CDH13: variants seen among roughly 807,000 people sequenced by gnomAD.
CDH13 encodes cadherin-13.
Under a neutral mutation model 63.8 loss-of-function variants are expected in CDH13, and 24 were observed. The observed-to-expected ratio is 0.38, with a 90% CI of 0.27 to 0.53. The LOEUF (loss-of-function observed/expected upper bound fraction) is 0.53, where lower values mean the gene tolerates loss of function less well. CDH13 is among the 20% of genes least tolerant of loss of function. The pLI is 0.85. For missense variants in CDH13, 1,049 were observed against 903.1 expected, an observed-to-expected ratio of 1.16 and a Z score of -2.07; for synonymous variants, 503 against 355.3, an observed-to-expected ratio of 1.42 and a Z score of -4.67.
chr16:83,634,189 AT>A (rs1192644049), intron 8 of CDH13, among the ~76,000 whole-genome samples: 3 of 151,330 alleles, frequency 2.0e-5, no homozygotes, highest in African/African-American at 7.3e-5. Context: ...ACACGTACAG[AT>A]TTGTGTGACC....
At chr16:83,289,020 C>T (rs900206839) in intron 5 of CDH13, among the ~76,000 whole-genome samples, 1 of 152,160 alleles carries the variant, frequency 6.6e-6, no homozygotes, top group South Asian at 2.1e-4. Context: ...TGGAACACCA[C>T]CTTTTTGAAA....
chr16:83,699,127 A>T (rs1163762260), intron 10 of CDH13, among the ~76,000 whole-genome samples: 1 of 152,244 alleles, frequency 6.6e-6, no homozygotes, highest in Admixed American at 6.5e-5. Flanking sequence ...AATGTTTGCT[A>T]AATGCATGAC....
At position 83,087,444 on chromosome 16, in the gene CDH13, C is replaced by T. The variant is rs1381512738; in HGVS notation, c.367-37941C>T. On this transcript the variant is annotated intron_variant, in intron 3 of 13. Coordinates refer to ENST00000567109, the MANE Select transcript of CDH13 (RefSeq NM_001257.5). ...CAGCACTTTGAGAGGCCGAGGCGGGCAGATCACGAGGTCAGGAGTTCGAGA... is the reference window on the plus strand; with the variant it reads ...CAGCACTTTGAGAGGCCGAGGCGGGTAGATCACGAGGTCAGGAGTTCGAGA... Among the ~76,000 whole-genome samples the T allele has an allele frequency of 4.6e-5, 7 of 152,118 alleles. No individual in the cohort carries two copies. The South Asian group carries it at 8.3e-4, about 18-fold the overall frequency.
chr16:82,931,417 G>T (rs1271984838), intron 2 of CDH13, among the ~76,000 whole-genome samples: 1 of 152,078 alleles, frequency 6.6e-6, no homozygotes, highest in Non-Finnish European at 1.5e-5. Flanking sequence ...TTTTCAAAAT[G>T]CTTCAGCCAT....
intron 2 of CDH13, among the ~76,000 whole-genome samples, chr16:83,020,501 A>G (rs1049646108): frequency 9.2e-5 from 14 of 152,210 alleles, no homozygotes; most frequent in Admixed American, 9.2e-4. Context: ...GAACAAAGCC[A>G]AGCTGTACTC....
chr16:83,637,005 G>A (rs1191530431), intron 8 of CDH13, among the ~76,000 whole-genome samples: 1 of 152,138 alleles, frequency 6.6e-6, no homozygotes, highest in Non-Finnish European at 1.5e-5. Flanking sequence ...TTTCTCTGCT[G>A]ATTAGTGATG....
In CDH13 at chr16:83,094,879, G is replaced by C. The variant is rs570488612; in HGVS notation, c.367-30506G>C. 8.5e-5 allele frequency among the ~76,000 whole-genome samples: 13 copies of C among 152,294 alleles called. No homozygotes were observed. In the South Asian group the frequency reaches 2.7e-3, roughly 32 times the overall value. The stretch of plus-strand genomic sequence containing the variant: ...TATAGATACCTACTTTTTAAGATAA[G>C]TGAGACCTCAATCACAATTAACTCT... On this transcript the variant is annotated intron_variant, in intron 3 of 13. Transcript: ENST00000567109.
intron 4 of CDH13, among the ~76,000 whole-genome samples, chr16:83,132,640 T>C (rs1350257967): frequency 6.6e-6 from 1 of 151,958 alleles, no homozygotes; most frequent in Non-Finnish European, 1.5e-5. Context: ...GAGACAGGGT[T>C]TCACCATGTT....
intron 1 of CDH13, among the ~76,000 whole-genome samples, chr16:82,695,170 C>T (rs561199468): frequency 6.6e-6 from 1 of 152,176 alleles, no homozygotes; most frequent in African/African-American, 2.4e-5. Flanking sequence ...ACCCTGGGGG[C>T]CTTGTCAACC....
At chr16:83,068,981 G>C (rs1355624746) in intron 3 of CDH13, among the ~76,000 whole-genome samples, 1 of 152,162 alleles carries the variant, frequency 6.6e-6, no homozygotes, top group Non-Finnish European at 1.5e-5. Flanking sequence ...TGAGGCAAAA[G>C]TTACCCATTT....
intron 4 of CDH13, among the ~76,000 whole-genome samples, chr16:83,134,335 G>A (rs186984394): frequency 5.9e-5 from 9 of 152,100 alleles, no homozygotes; most frequent in African/African-American, 1.4e-4. Flanking sequence ...GATTACAGGC[G>A]CCCGCCACCA....
intron 3 of CDH13, among the ~76,000 whole-genome samples, chr16:83,065,611 A>C (rs1157367838): frequency 6.6e-6 from 1 of 151,972 alleles, no homozygotes; most frequent in Non-Finnish European, 1.5e-5. Flanking sequence ...AGGCTAAGGC[A>C]AGAGAATCAG....
chr16:83,072,272 T>C (rs2032494785), intron 3 of CDH13, among the ~76,000 whole-genome samples: 1 of 152,198 alleles, frequency 6.6e-6, no homozygotes, highest in African/African-American at 2.4e-5. Flanking sequence ...GTCCAAGGTG[T>C]TCCAAAGATA....
chr16:83,435,275 T>A (rs1287769973), intron 6 of CDH13, among the ~76,000 whole-genome samples: 1 of 152,090 alleles, frequency 6.6e-6, no homozygotes, highest in Non-Finnish European at 1.5e-5. Context: ...AACTCCTGAC[T>A]TCAGGTGATC....
chr16:83,084,177 G>T (rs372634854), intron 3 of CDH13, among the ~76,000 whole-genome samples: 96 of 152,300 alleles, frequency 6.3e-4, no homozygotes, highest in African/African-American at 2.2e-3. Context: ...GAACTGATGG[G>T]CACGTACACA....
At chr16:83,282,678 A>G (rs997031637) in intron 5 of CDH13, among the ~76,000 whole-genome samples, 1 of 152,244 alleles carries the variant, frequency 6.6e-6, no homozygotes, top group Non-Finnish European at 1.5e-5. Flanking sequence ...CAAATAGGAA[A>G]TGGAAGAAAG....
At chr16:83,446,054 T>G (rs541124220) in intron 6 of CDH13, among the ~76,000 whole-genome samples, 131 of 151,992 alleles carry the variant, frequency 8.6e-4, no homozygotes, top group African/African-American at 3.1e-3. Context: ...ATCCCAGCAC[T>G]TTGGGAGGCT....
intron 1 of CDH13, among the ~76,000 whole-genome samples, chr16:82,776,980 C>T (rs1194179973): frequency 6.6e-6 from 1 of 152,222 alleles, no homozygotes; most frequent in Non-Finnish European, 1.5e-5. Context: ...TTTCCCAGAA[C>T]ATCAGGTTGG....
chr16:83,289,120 A>C (rs1273702444), intron 5 of CDH13, among the ~76,000 whole-genome samples: 3 of 152,238 alleles, frequency 2.0e-5, no homozygotes, highest in Admixed American at 1.3e-4. Flanking sequence ...CTCCTGGCCT[A>C]CAAGAACCAA....
Sources: allele counts gnomAD v4.1 joint callset (sites outside exome capture counted in the v4.1 genomes callset), GRCh38; gene constraint gnomAD v4.1.1; transcripts MANE v1.5; gene names NCBI Gene and HGNC (gene_info 2026-07-23, HGNC 2026-07-21).